Variants in USP42 observed in about 807,000 individuals in gnomAD.
USP42 encodes ubiquitin specific peptidase 42.
In USP42, 23 loss-of-function variants were observed where a neutral mutation model predicts 113.0. The ratio of observed to expected loss-of-function variants is 0.20; its 90% CI spans 0.15 to 0.29. USP42 has a LOEUF of 0.29. Among genes scored for constraint, USP42 ranks in the 10% least tolerant of loss-of-function variants. USP42 has a pLI of 1.00. For missense variants in USP42, 2,174 were observed against 1,779.8 expected (o/e 1.22, Z -3.99); for synonymous variants, 933 against 699.0 (o/e 1.33, Z -5.28).
chr7:6,087,619 T>C, the USP42 span, among the ~76,000 whole-genome samples: 1 of 151,004 alleles, frequency 6.6e-6, no homozygotes, highest in Non-Finnish European at 1.5e-5. Context: ...TTACAGGAAT[T>C]AGCTCCCTGC....
At chr7:6,133,158 G>A (rs2128497236) in intron 3 of USP42, among the ~76,000 whole-genome samples, 1 of 152,296 alleles carries the variant, frequency 6.6e-6, no homozygotes, top group South Asian at 2.1e-4. Flanking sequence ...CTTTTTTGGT[G>A]TAAGATCTTT....
Position 6,153,857 on chromosome 7 carries a change from G to A in USP42, c.2303G>A (p.Gly768Asp), listed in dbSNP as rs746571466. ...ESLEEPDAAA[G>D]LSSTKKAPPP... Reference sequence around the variant, plus strand: ...CTGGAGGAGCCAGATGCGGCCGCCGGCCTCAGCAGCACCAAGAAGGCTCCG... The same window carrying A: ...CTGGAGGAGCCAGATGCGGCCGCCGACCTCAGCAGCACCAAGAAGGCTCCG... Residue 768 changes from glycine (G) to aspartate (D), a missense_variant, in exon 15 of 18, where the codon GGC becomes GAC. Transcript: ENST00000306177. 2 of 1,552,250 alleles carry A rather than the reference G, an allele frequency of 1.3e-6. No homozygotes were observed. The highest frequency in any genetic ancestry group is 1.2e-5 in the South Asian group (1 of 84,502).
At chr7:6,100,304 C>A (rs1237782930), upstream of USP42, among the ~76,000 whole-genome samples, 2 of 150,096 alleles carry the variant, frequency 1.3e-5, no homozygotes, top group Non-Finnish European at 2.9e-5. Context: ...GTGTCCCATC[C>A]ATTGCCTGGA....
chr7:6,137,099 T>G (rs1009031593), intron 4 of USP42, among the ~76,000 whole-genome samples: 3 of 152,224 alleles, frequency 2.0e-5, no homozygotes, highest in Non-Finnish European at 2.9e-5. Flanking sequence ...GTTAATTGAG[T>G]TGGAATAAAA....
chr7:6,109,033 C>T (rs894095033), intron 1 of USP42, among the ~76,000 whole-genome samples: 3 of 152,182 alleles, frequency 2.0e-5, no homozygotes, highest in African/African-American at 7.2e-5. Context: ...GATGCCAGCA[C>T]AGTACCGTAG....
chr7:6,111,260 T>A lies in USP42; in HGVS notation c.127T>A (p.Ser43Thr), dbSNP rs1583575819. Reference sequence around the variant, plus strand: ...TTCTGCCAGCTGGGGTGCTGTGTCTTCATTGAATGATGTGTCAAATCACAC... The same window carrying A: ...TTCTGCCAGCTGGGGTGCTGTGTCTACATTGAATGATGTGTCAAATCACAC... ...AGSASWGAVS[S>T]LNDVSNHTLS... The change falls in exon 2 of 18, where the codon TCA becomes ACA. Residue 43 changes from serine (S) to threonine (T), a missense_variant. Physicochemically the swap from Ser to Thr is moderately conservative, Grantham distance 58. Transcript: ENST00000306177. The A allele has an allele frequency of 1.2e-6, 2 of 1,608,394 alleles. No homozygotes were observed. Among genetic ancestry groups the A allele is most frequent in the East Asian group, 4.5e-5 (2 of 44,800 alleles).
At chr7:6,142,280 G>A (rs1295016714) in intron 7 of USP42, among the ~76,000 whole-genome samples, 1 of 149,654 alleles carries the variant, frequency 6.7e-6, no homozygotes, top group Non-Finnish European at 1.5e-5. Flanking sequence ...GCAGTGGCTC[G>A]ATCTCGGCTC....
At chr7:6,116,930 C>G in intron 3 of USP42, 1 of 504,922 alleles carries the variant, frequency 2.0e-6, no homozygotes, top group Non-Finnish European at 4.0e-6. Flanking sequence ...CTCCCGATGT[C>G]CAGAATTAGG....
In USP42 at chr7:6,155,045, A is replaced by G. The variant is rs763503884; in HGVS notation, c.3491A>G (p.His1164Arg). The G allele has an allele frequency of 6.4e-7, 1 of 1,563,486 alleles. No homozygotes were observed. The highest frequency in any genetic ancestry group is 8.7e-7 in the Non-Finnish European group (1 of 1,153,790). ...AATGGAAAGTCCCGGAAACGGAGAC[A>G]CGACAGTGTGGAGAACAGTGACAGT... is the stretch of plus-strand genomic sequence containing the variant. ...HENGKSRKRR[H>R]DSVENSDSHV... The change falls in exon 15 of 18, where the codon CAC becomes CGC. Residue 1164 changes from histidine to arginine, a missense_variant. Transcript: ENST00000306177.
upstream of USP42, among the ~76,000 whole-genome samples, chr7:6,102,769 C>T (rs1790166706): frequency 6.6e-6 from 1 of 150,744 alleles, no homozygotes; most frequent in Non-Finnish European, 1.5e-5. Context: ...GGAAAGGGAA[C>T]TTGGAGTTTC....
At chr7:6,117,689 A>T (rs1180471639) in intron 3 of USP42, among the ~76,000 whole-genome samples, 1 of 152,182 alleles carries the variant, frequency 6.6e-6, no homozygotes, top group Non-Finnish European at 1.5e-5. Flanking sequence ...TTTGCTCCAC[A>T]TCCTTCCCAA....
intron 3 of USP42, among the ~76,000 whole-genome samples, chr7:6,124,767 T>G (rs1780432755): frequency 6.6e-6 from 1 of 152,222 alleles, no homozygotes; most frequent in Non-Finnish European, 1.5e-5. Context: ...TTTTCCTGCC[T>G]TCTTTTGGAT....
Position 6,145,245 on chromosome 7 carries a change from CA to C in USP42, c.991-270del, listed in dbSNP as rs1207732132. On this transcript the variant is annotated intron_variant, in intron 9 of 17. Coordinates refer to ENST00000306177, the MANE Select transcript of USP42 (RefSeq NM_032172.3). ...ACTCGGGAGGCTGAGGCAGGACAATCACTTGAACCCGGGAGGCGGAGCTTCC... is the reference window on the plus strand; with the variant it reads ...ACTCGGGAGGCTGAGGCAGGACAATCCTTGAACCCGGGAGGCGGAGCTTCC... Among the ~76,000 whole-genome samples, 7 of 151,810 alleles carry C rather than the reference CA, an allele frequency of 4.6e-5. No homozygotes were observed. In the East Asian group the frequency reaches 1.4e-3, roughly 30 times the overall value.
At position 6,150,163 on chromosome 7, in the gene USP42, C is replaced by A; in HGVS notation, c.1967C>A (p.Thr656Asn). The A allele has an allele frequency of 6.2e-7, 1 of 1,613,908 alleles. No individual in the cohort carries two copies. Among genetic ancestry groups the A allele is most frequent in the Non-Finnish European group, 8.5e-7 (1 of 1,179,848 alleles). ...CCGCACGAGCTTCAAGAACCCATGA[C>A]CCTAAACGGTGCTAATAGTGCAGAC... is the stretch of plus-strand genomic sequence containing the variant. ...ATPHELQEPM[T>N]LNGANSADSD... Residue 656 changes from threonine to asparagine, a missense_variant, in exon 13 of 18, where the codon ACC becomes AAC. Transcript: ENST00000306177.
intron 3 of USP42, among the ~76,000 whole-genome samples, chr7:6,131,193 A>C (rs765625379): frequency 6.6e-6 from 1 of 152,118 alleles, no homozygotes; most frequent in African/African-American, 2.4e-5. Context: ...GATCTTTAGG[A>C]TGTCAAAACA....
intron 3 of USP42, among the ~76,000 whole-genome samples, chr7:6,119,051 C>CA (rs775382885): frequency 0.013 from 1,750 of 131,406 alleles, 26 homozygotes; most frequent in African/African-American, 0.042. Context: ...CCTGTCTCTC[C>CA]AAAAAAAAAA....
At chr7:6,096,271 G>A in the USP42 span, among the ~76,000 whole-genome samples, 10 of 151,250 alleles carry the variant, frequency 6.6e-5, no homozygotes, top group Non-Finnish European at 1.5e-4. Flanking sequence ...CCAGCAGTTC[G>A]AGACCAGCTT....
intron 11 of USP42, 82 bp downstream of exon 11, chr7:6,146,330 A>T: frequency 1.2e-6 from 1 of 835,816 alleles, no homozygotes; most frequent in East Asian, 2.9e-5. Flanking sequence ...TTCAATATTC[A>T]GTGTTTTAAA....
intron 2 of USP42, among the ~76,000 whole-genome samples, chr7:6,114,660 A>G (rs1175417436): frequency 2.7e-4 from 11 of 40,664 alleles, no homozygotes; most frequent in Admixed American, 7.0e-4. Flanking sequence ...GTGTGTGTAT[A>G]TATATATATA....
Sources: allele counts gnomAD v4.1 joint callset (sites outside exome capture counted in the v4.1 genomes callset), GRCh38; gene constraint gnomAD v4.1.1; transcripts MANE v1.5; gene names NCBI Gene and HGNC (gene_info 2026-07-23, HGNC 2026-07-21).